ARHGAP39: variants seen among roughly 807,000 people sequenced by gnomAD.
ARHGAP39 encodes Rho GTPase activating protein 39, also known as rho GTPase-activating protein 39.
ARHGAP39 carries 44 observed loss-of-function variants against 106.9 expected under a neutral mutation model. The observed-to-expected ratio is 0.41, with a 90% CI of 0.32 to 0.53. ARHGAP39 has a LOEUF of 0.53. Among genes scored for constraint, ARHGAP39 ranks in the 20% least tolerant of loss-of-function variants. The pLI, the probability that ARHGAP39 is intolerant of heterozygous loss-of-function variation, is 0.21. For missense variants in ARHGAP39, 1,496 were observed against 1,577.3 expected (o/e 0.95, Z 0.87); for synonymous variants, 768 against 693.2 (o/e 1.11, Z -1.69).
chr8:144,597,131 G>A (rs564076111), intron 2 of ARHGAP39, among the ~76,000 whole-genome samples: 1 of 152,340 alleles, frequency 6.6e-6, no homozygotes, highest in South Asian at 2.1e-4. Flanking sequence ...ACTGCCTGTG[G>A]AGCCTGGGAG....
At chr8:144,665,058 G>A (rs1401647972) in intron 1 of ARHGAP39, among the ~76,000 whole-genome samples, 1 of 152,214 alleles carries the variant, frequency 6.6e-6, no homozygotes, top group Non-Finnish European at 1.5e-5. Context: ...ATACGAATAA[G>A]GTCCAGGCTG....
At position 144,533,239 on chromosome 8, in the gene ARHGAP39, C is replaced by G; in HGVS notation, c.2775G>C (p.Glu925Asp). ...SPSMFGSALQ[E>D]VMGMQRERYP... ...AGCGCTCTCTCTGCATGCCCATGAC[C>G]TCCTGCAGTGCGCTGCCGAACATGG... is the stretch of plus-strand genomic sequence containing the variant. The change falls in exon 9 of 12, where the codon GAG becomes GAC. Residue 925 changes from glutamate to aspartate, a missense_variant. Coordinates refer to ENST00000377307, the MANE Select transcript of ARHGAP39 (RefSeq NM_025251.3). The G allele has an allele frequency of 1.2e-6, 2 of 1,613,142 alleles. No homozygotes were observed. The highest frequency in any genetic ancestry group is 2.2e-5 in the East Asian group (1 of 44,886).
chr8:144,670,447 C>A lies in ARHGAP39; in HGVS notation c.-82+15239G>T, dbSNP rs1217249436. Among the ~76,000 whole-genome samples, 2 of 152,192 alleles carry A rather than the reference C, an allele frequency of 1.3e-5. No homozygotes were observed. Among genetic ancestry groups the A allele is most frequent in the Non-Finnish European group, 2.9e-5 (2 of 68,026 alleles). ...CAGCCCCACTGTCATTCACCTAAAC[C>A]ACAGGTGGCTCAACCATTTCTGTAT... On this transcript the variant is annotated intron_variant, in intron 1 of 11. Coordinates refer to ENST00000377307, the MANE Select transcript of ARHGAP39 (RefSeq NM_025251.3). The surrounding 1 kb of genome is among the most constrained non-coding windows in gnomAD (Gnocchi z 4.4).
intron 1 of ARHGAP39, among the ~76,000 whole-genome samples, chr8:144,620,765 C>T (rs1820784886): frequency 6.6e-6 from 1 of 152,264 alleles, no homozygotes; most frequent in Admixed American, 6.5e-5. Flanking sequence ...GCCCATCCAC[C>T]TGCGTCTCCA....
upstream of ARHGAP39, among the ~76,000 whole-genome samples, chr8:144,685,977 G>A (rs150619696): frequency 0.023 from 3,545 of 151,464 alleles, 79 homozygotes; most frequent in Middle Eastern, 0.045. Flanking sequence ...CGCGCGGCAT[G>A]CCGGGAGCCG....
chr8:144,583,750 T>G (rs555676279), intron 2 of ARHGAP39, among the ~76,000 whole-genome samples: 1 of 152,360 alleles, frequency 6.6e-6, no homozygotes, highest in South Asian at 2.1e-4. Flanking sequence ...TCTATTTTTC[T>G]GTATTTTCCA....
chr8:144,661,154 C>A (rs927692866), intron 1 of ARHGAP39, among the ~76,000 whole-genome samples: 1 of 152,142 alleles, frequency 6.6e-6, no homozygotes, highest in African/African-American at 2.4e-5. Context: ...AGGGTCCCAG[C>A]AGCTTCACCC....
At chr8:144,578,722 G>A (rs1285685052) in intron 3 of ARHGAP39, among the ~76,000 whole-genome samples, 1 of 152,110 alleles carries the variant, frequency 6.6e-6, no homozygotes, top group South Asian at 2.1e-4. Flanking sequence ...GTGGTGGCAC[G>A]TGCCTGCAGT....
the ARHGAP39 span, among the ~76,000 whole-genome samples, chr8:144,697,289 C>T: frequency 7.1e-6 from 1 of 141,578 alleles, no homozygotes; most frequent in African/African-American, 2.7e-5. Flanking sequence ...GACATCGTGG[C>T]TTGGGTGACA....
rs1586586914 is a variant in ARHGAP39 at position 144,591,227 on chromosome 8, G to A, written c.81-9950C>T. On this transcript the variant is annotated intron_variant, in intron 2 of 11. Coordinates refer to ENST00000377307, the MANE Select transcript of ARHGAP39 (RefSeq NM_025251.3). This position sits in a 1 kb window ranked among gnomAD's most constrained non-coding sequence, Gnocchi z 5.3. ...CCCAGCCGGAGCCTGGACCCCAATG[G>A]ACAGCTGCTCTGTGCTCCCGTGAGC... 6.6e-6 allele frequency among the ~76,000 whole-genome samples: 1 copy of A among 152,220 alleles called. No individual in the cohort carries two copies. Among genetic ancestry groups the A allele is most frequent in the African/African-American group, 2.4e-5 (1 of 41,456 alleles).
chr8:144,640,769 G>A (rs1821291936), intron 1 of ARHGAP39, among the ~76,000 whole-genome samples: 2 of 152,172 alleles, frequency 1.3e-5, no homozygotes, highest in African/African-American at 2.4e-5. Flanking sequence ...ACGAAGCCGA[G>A]TTTTCGATTC....
Position 144,581,109 on chromosome 8 carries a change from G to T in ARHGAP39, c.249C>A (p.Tyr83Ter). Reference protein sequence around the residue: ...FDPNTSRFYYYNASTQRTVWH... With the variant: ...FDPNTSRFYY ...ACACCGTGCGCTGCGTGCTGGCATTGTAGTAGTAGAAGCGGGACGTGTTGG... is the reference window on the plus strand; with the variant it reads ...ACACCGTGCGCTGCGTGCTGGCATTTTAGTAGTAGAAGCGGGACGTGTTGG... Residue 83 changes from tyrosine to a stop codon, truncating the protein, a stop_gained, in exon 3 of 12, where the codon TAC (tyrosine) becomes TAA (stop). Coordinates refer to ENST00000377307, the MANE Select transcript of ARHGAP39 (RefSeq NM_025251.3). LOFTEE classifies it high-confidence loss of function. 1 of 1,592,838 alleles carries T rather than the reference G, an allele frequency of 6.3e-7. No homozygotes were observed.
In ARHGAP39 at chr8:144,547,916, G is replaced by A. The variant is rs747233909; in HGVS notation, c.1170C>T (p.Ala390=). 6 of 1,584,820 alleles carry A rather than the reference G, an allele frequency of 3.8e-6. No homozygotes were observed. The highest frequency in any genetic ancestry group is 4.3e-6 in the Non-Finnish European group (5 of 1,166,030). The change falls in exon 5 of 12, where the codon GCC becomes GCT. Residue 390 remains alanine, a synonymous_variant. Coordinates refer to ENST00000377307, the MANE Select transcript of ARHGAP39 (RefSeq NM_025251.3). The surrounding 1 kb of genome is among the most constrained non-coding windows in gnomAD (Gnocchi z 5.2). The part of the protein sequence containing the change: ...ERFLSLEYSP[A]GKEYVRQLVY... ...CCAGCTGCCGCACGTACTCCTTGCC[G>A]GCGGGACTGTACTCCAGGCTCAGGA...
At chr8:144,677,071 A>C (rs956875410) in intron 1 of ARHGAP39, among the ~76,000 whole-genome samples, 2 of 152,266 alleles carry the variant, frequency 1.3e-5, no homozygotes, top group African/African-American at 4.8e-5. Context: ...CCTGGCCTGC[A>C]TATTTTTAAG....
rs534815010 is a variant in ARHGAP39, at chr8:144,581,520, G to C, written c.81-243C>G. 1.6e-4 allele frequency among the ~76,000 whole-genome samples: 25 copies of C among 152,358 alleles called. No individual in the cohort carries two copies. The East Asian group carries it at 3.5e-3, about 21-fold the overall frequency. On this transcript the variant is annotated intron_variant, in intron 2 of 11. Transcript: ENST00000377307. ...CTTTGGGGGGTCCTGGGCCCCACGTGGGGTAGGGACATACTGGCTGTGGTT... is the reference window on the plus strand; with the variant it reads ...CTTTGGGGGGTCCTGGGCCCCACGTCGGGTAGGGACATACTGGCTGTGGTT...
intron 1 of ARHGAP39, among the ~76,000 whole-genome samples, chr8:144,631,496 C>T (rs1234294792): frequency 6.6e-6 from 1 of 152,250 alleles, no homozygotes; most frequent in East Asian, 1.9e-4. Flanking sequence ...GTGTGATATC[C>T]TCTCGTTCCT....
chr8:144,693,524 C>A, the ARHGAP39 span, among the ~76,000 whole-genome samples: 28 of 152,266 alleles, frequency 1.8e-4, no homozygotes, highest in African/African-American at 6.3e-4. Context: ...CAGGCGCCCG[C>A]TGCCACCCCT....
chr8:144,564,997 C>T (rs1443547512), intron 3 of ARHGAP39, among the ~76,000 whole-genome samples: 2 of 152,030 alleles, frequency 1.3e-5, no homozygotes, highest in Non-Finnish European at 2.9e-5. Context: ...GTAATCCTAG[C>T]TACTCGGGAG....
At chr8:144,589,137 T>C (rs1295045623) in intron 2 of ARHGAP39, among the ~76,000 whole-genome samples, 1 of 152,164 alleles carries the variant, frequency 6.6e-6, no homozygotes, top group Non-Finnish European at 1.5e-5. Context: ...AGGGTATCGG[T>C]GGCCGGAGGA....
Sources: gnomAD v4.1 joint callset for allele counts (sites outside exome capture counted in the v4.1 genomes callset) on GRCh38, gnomAD v4.1.1 for gene constraint, Gnocchi (gnomAD v3.1) non-coding constraint, MANE v1.5 for transcripts, NCBI Gene and HGNC (gene_info 2026-07-23, HGNC 2026-07-21) for gene names.